The following AAGAB variants were observed in gnomAD, a reference collection of about 807,000 sequenced individuals.
AAGAB encodes the protein alpha- and gamma-adaptin-binding protein p34.
In AAGAB, 38 loss-of-function variants were observed where a neutral mutation model predicts 44.1. That is an observed-to-expected ratio of 0.86 (90% confidence interval 0.67 to 1.13). AAGAB has a LOEUF of 1.13. Ranked by LOEUF, AAGAB falls within the 50% of genes most tolerant of loss-of-function variation. The pLI, the probability that AAGAB is intolerant of heterozygous loss-of-function variation, is 0.00. For missense variants in AAGAB, 450 were observed against 373.8 expected, an observed-to-expected ratio of 1.20 and a Z score of -1.68; for synonymous variants, 131 against 131.8, an observed-to-expected ratio of 0.99 and a Z score of 0.04.
chr15:67,243,383 G>C (rs1213962885), intron 1 of AAGAB, among the ~76,000 whole-genome samples: 1 of 152,166 alleles, frequency 6.6e-6, no homozygotes, highest in East Asian at 1.9e-4. Flanking sequence ...CTATATTTTA[G>C]AGGGGTAGGG....
chr15:67,242,408 C>G (rs1401852086), intron 1 of AAGAB, among the ~76,000 whole-genome samples: 2 of 75,056 alleles, frequency 2.7e-5, no homozygotes, highest in Admixed American at 4.6e-4. Flanking sequence ...CCGGCCTGGG[C>G]GACAGAGCGA....
Position 67,254,636 on chromosome 15 carries a change from G to A in AAGAB, c.-5C>T, listed in dbSNP as rs1480065996. 3 of 1,585,536 alleles carry A rather than the reference G, an allele frequency of 1.9e-6. No homozygotes were observed. The highest frequency in any genetic ancestry group is 4.7e-5 in the East Asian group (2 of 42,938). On this transcript the variant is annotated 5_prime_UTR_variant, in exon 1 of 10. Coordinates refer to ENST00000261880, the MANE Select transcript of AAGAB (RefSeq NM_024666.5). ...ACAGGGTACGCCAGCAGCCATAGCTGCGCTCGCGAGCCGGTTCCGTCAGGC... is the reference window on the plus strand; with the variant it reads ...ACAGGGTACGCCAGCAGCCATAGCTACGCTCGCGAGCCGGTTCCGTCAGGC...
At chr15:67,242,371 C>T (rs543455854) in intron 1 of AAGAB, among the ~76,000 whole-genome samples, 2 of 88,932 alleles carry the variant, frequency 2.2e-5, no homozygotes, top group South Asian at 4.2e-4. Flanking sequence ...TGCAGTGAGC[C>T]GAGATTGCGC....
chr15:67,225,717 T>C (rs1964188120), intron 5 of AAGAB, among the ~76,000 whole-genome samples: 1 of 152,238 alleles, frequency 6.6e-6, no homozygotes, highest in African/African-American at 2.4e-5. Flanking sequence ...CATTGTAGCA[T>C]ATATTCATGC....
At chr15:67,242,399 C>T (rs1173361588) in intron 1 of AAGAB, among the ~76,000 whole-genome samples, 4 of 90,062 alleles carry the variant, frequency 4.4e-5, no homozygotes, top group South Asian at 4.4e-4. Flanking sequence ...GTCCGCAGTC[C>T]GGCCTGGGCG....
At chr15:67,231,047 C>CT (rs892183327) in intron 5 of AAGAB, among the ~76,000 whole-genome samples, 9 of 149,792 alleles carry the variant, frequency 6.0e-5, no homozygotes, top group South Asian at 2.1e-4. Flanking sequence ...GAATACACAA[C>CT]TTTTTTTTTT....
rs532873241 is a variant in AAGAB at position 67,234,657 on chromosome 15, A to C, written c.451+1322T>G. ...TGAATACAAGAACATTATTCAGACA[A>C]AGGGCTACGAGAAATAAAGTAGTAT... is the stretch of plus-strand genomic sequence containing the variant. On this transcript the variant is annotated intron_variant, in intron 4 of 9. Coordinates refer to ENST00000261880, the MANE Select transcript of AAGAB (RefSeq NM_024666.5). 3.3e-5 allele frequency among the ~76,000 whole-genome samples: 5 copies of C among 152,360 alleles called. No homozygotes were observed. The South Asian group carries it at 1.0e-3, about 32-fold the overall frequency.
chr15:67,213,282 G>A (rs1963865736), intron 5 of AAGAB, among the ~76,000 whole-genome samples: 1 of 152,100 alleles, frequency 6.6e-6, no homozygotes, highest in Non-Finnish European at 1.5e-5. Context: ...TCCAGAAAGT[G>A]TCAGAAACAA....
intron 5 of AAGAB, among the ~76,000 whole-genome samples, chr15:67,210,148 A>T (rs1048322374): frequency 6.6e-6 from 1 of 152,260 alleles, no homozygotes; most frequent in Non-Finnish European, 1.5e-5. Flanking sequence ...AATCAAAAAC[A>T]TTTAAAAAAT....
intron 5 of AAGAB, 134 bp from the exon 6 acceptor site, chr15:67,209,678 G>T: frequency 2.8e-6 from 2 of 705,408 alleles, no homozygotes; most frequent in Non-Finnish European, 4.7e-6. Flanking sequence ...TTTGAGACAG[G>T]GTCTCACTCT....
At chr15:67,235,710 A>T (rs552054316) in intron 4 of AAGAB, among the ~76,000 whole-genome samples, 1 of 152,134 alleles carries the variant, frequency 6.6e-6, no homozygotes, top group South Asian at 2.1e-4. Flanking sequence ...AGGATTATGG[A>T]AATGACAAAG....
intron 1 of AAGAB, among the ~76,000 whole-genome samples, chr15:67,242,542 G>A (rs1377262705): frequency 6.6e-6 from 1 of 151,998 alleles, no homozygotes; most frequent in East Asian, 1.9e-4. Context: ...TACAAGGTGG[G>A]TGCTGCTCTG....
chr15:67,215,255 CGCACA>C (rs1963917072), intron 5 of AAGAB, among the ~76,000 whole-genome samples: 1 of 152,140 alleles, frequency 6.6e-6, no homozygotes, highest in African/African-American at 2.4e-5. Context: ...TCTTCTACAC[CGCACA>C]GCCTCCAGCA....
At chr15:67,219,298 G>C (rs1439403568) in intron 5 of AAGAB, among the ~76,000 whole-genome samples, 1 of 152,120 alleles carries the variant, frequency 6.6e-6, no homozygotes, top group Non-Finnish European at 1.5e-5. Flanking sequence ...TAGATAAAAA[G>C]AGTAAAGATT....
chr15:67,250,172 CTTTT>C (rs370560934), intron 1 of AAGAB, among the ~76,000 whole-genome samples: 1 of 151,964 alleles, frequency 6.6e-6, no homozygotes, highest in Non-Finnish European at 1.5e-5. Context: ...TTCTTTCTTT[CTTTT>C]TTTTCTTTAC....
intron 9 of AAGAB, 152 bp from the exon 10 acceptor site, chr15:67,203,050 C>A (rs951253834): frequency 5.9e-6 from 4 of 673,766 alleles, no homozygotes; most frequent in Non-Finnish European, 1.1e-5. Flanking sequence ...TACCATTTGA[C>A]CCATGATCGC....
intron 1 of AAGAB, among the ~76,000 whole-genome samples, chr15:67,252,461 CAG>C (rs1023321677): frequency 6.6e-6 from 1 of 151,806 alleles, no homozygotes; most frequent in Non-Finnish European, 1.5e-5. Context: ...TTTTTAAAAA[CAG>C]AAAAAATTGT....
intron 2 of AAGAB, 41 bp downstream of exon 2, chr15:67,236,589 A>G (rs1336536178): frequency 1.2e-6 from 2 of 1,601,828 alleles, no homozygotes; most frequent in Admixed American, 1.7e-5. Flanking sequence ...AAGGCATGCA[A>G]TAATTTCTTA....
intron 5 of AAGAB, among the ~76,000 whole-genome samples, chr15:67,211,717 A>C (rs1331455539): frequency 6.6e-6 from 1 of 152,190 alleles, no homozygotes; most frequent in Non-Finnish European, 1.5e-5. Context: ...GGTAATTTTC[A>C]AATTCAGTTC....
Sources: allele counts gnomAD v4.1 joint callset (sites outside exome capture counted in the v4.1 genomes callset), GRCh38; gene constraint gnomAD v4.1.1; transcripts MANE v1.5; gene names NCBI Gene and HGNC (gene_info 2026-07-23, HGNC 2026-07-21).